Variants in EYS observed in about 807,000 individuals in gnomAD.
EYS encodes the protein EGF-like photoreceptor maintenance factor.
In EYS, 250 loss-of-function variants were observed where a neutral mutation model predicts 282.1. The observed-to-expected ratio is 0.89, with a 90% CI of 0.80 to 0.98. The LOEUF (loss-of-function observed/expected upper bound fraction) is 0.98. EYS is among the 50% of genes least tolerant of loss of function. The pLI, the probability that EYS is intolerant of heterozygous loss-of-function variation, is 0.00. For synonymous variants in EYS, 1,355 were observed against 1,282.9 expected, an observed-to-expected ratio of 1.06 and a Z score of -1.20; for missense variants, 4,016 against 3,709.0, an observed-to-expected ratio of 1.08 and a Z score of -2.15.
rs113261395 is a variant in EYS, at chr6:64,675,428, C to T, written c.3444-49183G>A. Among the ~76,000 whole-genome samples the T allele has an allele frequency of 3.3e-3, 379 of 114,500 alleles. 2 individuals carry two copies. Among genetic ancestry groups the T allele is most frequent in the Middle Eastern group, 0.017 (3 of 180 alleles). 75.1% of individuals were successfully genotyped at this position (114,500 alleles called of 152,430 possible). A position where few individuals can be genotyped will look rare whatever the true frequency, so the allele number is the denominator to read the frequency against. On this transcript the variant is annotated intron_variant, in intron 22 of 42. Transcript: ENST00000503581. ...GTTTTTCCTGTTTCTCTTTTTTTTT[C>T]TTTTTTTTTTTTTTTTTGAGATGGA... is the stretch of plus-strand genomic sequence containing the variant.
intron 26 of EYS, among the ~76,000 whole-genome samples, chr6:64,466,951 G>A (rs1396987749): frequency 1.3e-5 from 2 of 152,042 alleles, no homozygotes; most frequent in African/African-American, 4.8e-5. Context: ...GGAAAGAAAA[G>A]TCAGAAACAG....
chr6:64,457,561 ATTGTTATATCCTC>A (rs1775595201), intron 26 of EYS, among the ~76,000 whole-genome samples: 1 of 151,954 alleles, frequency 6.6e-6, no homozygotes, highest in Admixed American at 6.6e-5. Context: ...TGCTGCATAT[ATTGTTATATCCTC>A]TTGTTGAATT....
intron 26 of EYS, among the ~76,000 whole-genome samples, chr6:64,554,889 T>C (rs1301550896): frequency 6.6e-6 from 1 of 151,970 alleles, no homozygotes; most frequent in Non-Finnish European, 1.5e-5. Context: ...TTGGAGAGAA[T>C]GTGGAGAACA....
chr6:65,558,394 T>C (rs1288772578), intron 2 of EYS, among the ~76,000 whole-genome samples: 3 of 152,196 alleles, frequency 2.0e-5, no homozygotes, highest in Admixed American at 1.3e-4. Context: ...GGAGCAGGCA[T>C]TGGGAGTGCG....
At chr6:64,251,740 G>A (rs913328941) in intron 30 of EYS, among the ~76,000 whole-genome samples, 2 of 152,082 alleles carry the variant, frequency 1.3e-5, no homozygotes, top group African/African-American at 4.8e-5. Context: ...CCTAGTATGT[G>A]CTAGGTAGTG....
At chr6:64,189,720 A>G (rs1765047673) in intron 31 of EYS, among the ~76,000 whole-genome samples, 1 of 152,176 alleles carries the variant, frequency 6.6e-6, no homozygotes. Context: ...CTGCCTTCAG[A>G]CTATAGCATT....
intron 19 of EYS, among the ~76,000 whole-genome samples, chr6:64,823,187 A>C (rs1408836635): frequency 6.6e-6 from 1 of 151,840 alleles, no homozygotes; most frequent in East Asian, 1.9e-4. Context: ...TATTACCTAC[A>C]AGAATTAAGA....
In EYS at chr6:64,196,493, C is replaced by A. The variant is rs1035974308; in HGVS notation, c.6424+34099G>T. Among the ~76,000 whole-genome samples the A allele has an allele frequency of 1.9e-3, 285 of 152,112 alleles. 1 individual carries two copies. Among genetic ancestry groups the A allele is most frequent in the African/African-American group, 6.7e-3 (276 of 41,466 alleles). On this transcript the variant is annotated intron_variant, in intron 31 of 42. Coordinates refer to ENST00000503581, the MANE Select transcript of EYS (RefSeq NM_001142800.2). The stretch of plus-strand genomic sequence containing the variant: ...ACAATAGCAAAGACTTGGAACCAAC[C>A]CAAATGTCCAACAATGATAGACTGG...
At chr6:64,110,581 T>A (rs1217446534) in intron 31 of EYS, among the ~76,000 whole-genome samples, 1 of 151,990 alleles carries the variant, frequency 6.6e-6, no homozygotes, top group Admixed American at 6.6e-5. Context: ...AAGATGCACA[T>A]TTTAGAATTA....
intron 35 of EYS, among the ~76,000 whole-genome samples, chr6:63,954,094 C>G (rs1765711968): frequency 6.6e-6 from 1 of 152,190 alleles, no homozygotes; most frequent in South Asian, 2.1e-4. Flanking sequence ...TGTTCCTGGT[C>G]CAGACTTCAA....
At chr6:64,468,501 T>C (rs965108864) in intron 26 of EYS, among the ~76,000 whole-genome samples, 1 of 152,200 alleles carries the variant, frequency 6.6e-6, no homozygotes, top group Non-Finnish European at 1.5e-5. Context: ...ATTCTCTCCC[T>C]TTTTAAAGCT....
chr6:64,564,441 C>A (rs1404486295), intron 26 of EYS, among the ~76,000 whole-genome samples: 3 of 151,500 alleles, frequency 2.0e-5, no homozygotes, highest in African/African-American at 7.3e-5. Flanking sequence ...CCACGCCCAG[C>A]TATTTTTTTA....
chr6:65,430,931 C>T (rs1204461132), intron 5 of EYS, among the ~76,000 whole-genome samples: 2 of 152,154 alleles, frequency 1.3e-5, no homozygotes, highest in Admixed American at 6.5e-5. Flanking sequence ...ACTTGCTGTC[C>T]TCAGGTGAGA....
intron 29 of EYS, among the ~76,000 whole-genome samples, chr6:64,309,022 A>T (rs2150377087): frequency 6.6e-6 from 1 of 152,204 alleles, no homozygotes; most frequent in Admixed American, 6.5e-5. Context: ...TTAAAAATAA[A>T]GTTTATGACT....
intron 29 of EYS, among the ~76,000 whole-genome samples, chr6:64,373,586 C>A (rs974639191): frequency 6.6e-6 from 1 of 152,178 alleles, no homozygotes; most frequent in Non-Finnish European, 1.5e-5. Flanking sequence ...AGTTGCCTGC[C>A]CTGCCATCCG....
chr6:65,629,848 G>A (rs1250571834), intron 2 of EYS, among the ~76,000 whole-genome samples: 1 of 151,596 alleles, frequency 6.6e-6, no homozygotes, highest in Non-Finnish European at 1.5e-5. Flanking sequence ...CACCTCTCTG[G>A]AATAAAAAAT....
At chr6:64,218,741 A>G (rs1221352452) in intron 31 of EYS, among the ~76,000 whole-genome samples, 1 of 152,196 alleles carries the variant, frequency 6.6e-6, no homozygotes, top group African/African-American at 2.4e-5. Context: ...TGCTGGGAGA[A>G]TCTTGAAAGC....
intron 35 of EYS, among the ~76,000 whole-genome samples, chr6:63,919,312 CTTTTTT>C (rs562177760): frequency 2.0e-5 from 1 of 49,364 alleles, no homozygotes; most frequent in Non-Finnish European, 3.4e-5. Context: ...AGGGAACAGA[CTTTTTT>C]TTTTTTTTTT....
At chr6:63,775,429 A>C (rs1770041462) in intron 40 of EYS, among the ~76,000 whole-genome samples, 1 of 152,244 alleles carries the variant, frequency 6.6e-6, no homozygotes, top group Admixed American at 6.5e-5. Context: ...TCTAAACACC[A>C]TAAAATTGGT....
Sources: gnomAD v4.1 joint callset for allele counts (sites outside exome capture counted in the v4.1 genomes callset) on GRCh38, gnomAD v4.1.1 for gene constraint, MANE v1.5 for transcripts, NCBI Gene and HGNC (gene_info 2026-07-23, HGNC 2026-07-21) for gene names.